TOX: variants seen among roughly 807,000 people sequenced by gnomAD.
TOX encodes thymocyte selection-associated high mobility group box protein TOX.
Under a neutral mutation model 53.7 loss-of-function variants are expected in TOX, and 11 were observed. The observed-to-expected ratio is 0.20, with a 90% CI of 0.13 to 0.34. The LOEUF is 0.34. Among genes scored for constraint, TOX ranks in the 10% least tolerant of loss-of-function variants. The pLI is 1.00. For missense variants in TOX, 570 were observed against 664.6 expected (o/e 0.86, Z 1.56); for synonymous variants, 225 against 245.3 (o/e 0.92, Z 0.77).
intron 3 of TOX, among the ~76,000 whole-genome samples, chr8:58,892,819 T>TTCA (rs1332661565): frequency 6.6e-6 from 1 of 152,196 alleles, no homozygotes; most frequent in Non-Finnish European, 1.5e-5. Context: ...GGCAAGTCAC[T>TTCA]TCATCTACCT....
intron 3 of TOX, among the ~76,000 whole-genome samples, chr8:58,853,350 C>G (rs1436816157): frequency 1.3e-5 from 2 of 152,154 alleles, no homozygotes; most frequent in African/African-American, 4.8e-5. Context: ...TCTGTGATGT[C>G]CCTCATAAAG....
Position 58,820,947 on chromosome 8 carries a change from C to T in TOX, c.1006-5223G>A, listed in dbSNP as rs115849065. Among the ~76,000 whole-genome samples, 986 of 152,158 alleles carry T rather than the reference C, an allele frequency of 6.5e-3. 14 individuals carry two copies. Among genetic ancestry groups the T allele is most frequent in the African/African-American group, 0.023 (940 of 41,512 alleles). On this transcript the variant is annotated intron_variant, in intron 6 of 8. Transcript: ENST00000361421. ...ATTTAGATCCATGTCTAGGAATTCC[C>T]GAGTCTATGGAAAAACTATATTTCC...
At chr8:58,822,457 G>A (rs1286196967) in intron 6 of TOX, among the ~76,000 whole-genome samples, 3 of 152,190 alleles carry the variant, frequency 2.0e-5, no homozygotes. Context: ...TCCTATAGAT[G>A]TATCCTGCAA....
At chr8:59,002,243 G>A (rs1585955889) in intron 1 of TOX, among the ~76,000 whole-genome samples, 1 of 147,428 alleles carries the variant, frequency 6.8e-6, no homozygotes, top group Non-Finnish European at 1.5e-5. Context: ...CAAAGTGCTG[G>A]GATTACAGGT....
chr8:58,928,102 A>G (rs1812195998), intron 3 of TOX, among the ~76,000 whole-genome samples: 2 of 152,338 alleles, frequency 1.3e-5, no homozygotes, highest in Middle Eastern at 3.4e-3. Flanking sequence ...ACCCAAGTGA[A>G]TGATCAGTTC....
chr8:58,818,871 T>TG lies in TOX; in HGVS notation c.1006-3148dup, dbSNP rs546223563. Reference sequence around the variant, plus strand: ...ACTGCCCTTTATGCCTCACTGGTCTTGGGGGAATGGCAGTAGCAGGGCAGC... The same window carrying TG: ...ACTGCCCTTTATGCCTCACTGGTCTTGGGGGGAATGGCAGTAGCAGGGCAGC... On this transcript the variant is annotated intron_variant, in intron 6 of 8. Transcript: ENST00000361421. Among the ~76,000 whole-genome samples, 12 of 152,296 alleles carry TG rather than the reference T, an allele frequency of 7.9e-5. 1 individual carries two copies. The South Asian group carries it at 2.5e-3, about 32-fold the overall frequency.
At chr8:59,037,952 C>T (rs1354967863) in intron 1 of TOX, among the ~76,000 whole-genome samples, 2 of 151,924 alleles carry the variant, frequency 1.3e-5, no homozygotes, top group Admixed American at 6.6e-5. Context: ...GAAATAGTAA[C>T]ATTACACAGG....
chr8:58,932,477 C>T (rs7010147), intron 3 of TOX, among the ~76,000 whole-genome samples: 1,624 of 152,240 alleles, frequency 0.011, 31 homozygotes, highest in African/African-American at 0.037. Flanking sequence ...ATTATTCCAC[C>T]ATTAAATGGG....
At chr8:58,944,510 G>A (rs1305402191) in intron 2 of TOX, among the ~76,000 whole-genome samples, 2 of 152,126 alleles carry the variant, frequency 1.3e-5, no homozygotes, top group Non-Finnish European at 2.9e-5. Flanking sequence ...GCGAGAATAC[G>A]CATGACTTCT....
At chr8:59,107,981 C>T (rs889486092) in intron 1 of TOX, among the ~76,000 whole-genome samples, 3 of 152,174 alleles carry the variant, frequency 2.0e-5, no homozygotes, top group Non-Finnish European at 2.9e-5. Flanking sequence ...GTGTGCTTTG[C>T]ATCTCACATA....
chr8:58,859,859 T>C (rs1810977593), intron 3 of TOX, among the ~76,000 whole-genome samples: 1 of 151,754 alleles, frequency 6.6e-6, no homozygotes, highest in Non-Finnish European at 1.5e-5. Context: ...TTGGTGTTTG[T>C]TTGTTTGTAC....
At chr8:58,848,807 T>A (rs553841279) in intron 4 of TOX, among the ~76,000 whole-genome samples, 2 of 152,136 alleles carry the variant, frequency 1.3e-5, no homozygotes, top group Non-Finnish European at 2.9e-5. Context: ...TTCCTGTCTG[T>A]CAAAACAGAC....
chr8:58,905,321 C>T (rs537982927), intron 3 of TOX, among the ~76,000 whole-genome samples: 1 of 152,340 alleles, frequency 6.6e-6, no homozygotes, highest in African/African-American at 2.4e-5. Flanking sequence ...CAATTATATT[C>T]ATTAACCAAA....
At chr8:59,008,512 T>G (rs1269065870) in intron 1 of TOX, among the ~76,000 whole-genome samples, 1 of 152,114 alleles carries the variant, frequency 6.6e-6, no homozygotes, top group Non-Finnish European at 1.5e-5. Flanking sequence ...GGACCGGAGG[T>G]CCACGTGGCA....
chr8:58,910,359 G>A (rs1442087228), intron 3 of TOX, among the ~76,000 whole-genome samples: 1 of 152,080 alleles, frequency 6.6e-6, no homozygotes, highest in Non-Finnish European at 1.5e-5. Flanking sequence ...GGAAAAATGT[G>A]ACAGATTTTT....
intron 1 of TOX, among the ~76,000 whole-genome samples, chr8:59,048,052 T>A (rs184535325): frequency 3.4e-4 from 52 of 152,274 alleles, no homozygotes; most frequent in African/African-American, 1.2e-3. Flanking sequence ...AGTGGAATAA[T>A]CACTTTACAA....
At chr8:58,833,363 C>A (rs1380840888) in intron 5 of TOX, among the ~76,000 whole-genome samples, 1 of 152,198 alleles carries the variant, frequency 6.6e-6, no homozygotes, top group Non-Finnish European at 1.5e-5. Flanking sequence ...TTTGGACCAA[C>A]CCTTTCTGCT....
chr8:58,851,940 A>G lies in TOX; in HGVS notation c.412-135T>C. 1.3e-6 allele frequency: 1 copy of G among 772,052 alleles called. No homozygotes were observed. The highest frequency in any genetic ancestry group is 1.8e-5 in the African/African-American group (1 of 55,286). The allele number at this position is 772,052 out of a possible 1,614,324, so 47.8% of individuals were successfully genotyped here. On this transcript the variant is annotated intron_variant, in intron 3 of 8. Coordinates refer to ENST00000361421, the MANE Select transcript of TOX (RefSeq NM_014729.3). The surrounding 1 kb of genome is among the most constrained non-coding windows in gnomAD (Gnocchi z 4.4). ...GTTCTGCTGAGTTACATACACATTT[A>G]TTTTATCTGGGGTAAAATAATCCTA...
chr8:59,041,537 A>G (rs1803588203), intron 1 of TOX, among the ~76,000 whole-genome samples: 2 of 152,158 alleles, frequency 1.3e-5, no homozygotes. Context: ...TAGCAATTCT[A>G]CTTTGTGTTT....
Sources: allele counts gnomAD v4.1 joint callset (sites outside exome capture counted in the v4.1 genomes callset), GRCh38; gene constraint gnomAD v4.1.1; non-coding constraint Gnocchi (gnomAD v3.1); transcripts MANE v1.5; gene names NCBI Gene and HGNC (gene_info 2026-07-23, HGNC 2026-07-21).